Variants in NUP43 observed in about 807,000 individuals in gnomAD.
The protein encoded by NUP43 is nucleoporin Nup43.
In NUP43, 32 loss-of-function variants were observed where a neutral mutation model predicts 47.3. The observed-to-expected ratio is 0.68, with a 90% CI of 0.51 to 0.91. The LOEUF (loss-of-function observed/expected upper bound fraction) is 0.91. Ranked by LOEUF, NUP43 falls within the 40% of genes least tolerant of loss-of-function variation. The pLI is 0.00. For missense variants in NUP43, 444 were observed against 453.9 expected, an observed-to-expected ratio of 0.98 and a Z score of 0.20; for synonymous variants, 147 against 158.4, an observed-to-expected ratio of 0.93 and a Z score of 0.54.
At chr6:149,738,143 T>A (rs2115121075) in intron 5 of NUP43, among the ~76,000 whole-genome samples, 1 of 152,344 alleles carries the variant, frequency 6.6e-6, no homozygotes, top group South Asian at 2.1e-4. Context: ...GATGTACAAA[T>A]CACATTTCCA....
chr6:149,743,242 A>C (rs1785763395), intron 3 of NUP43, among the ~76,000 whole-genome samples: 1 of 151,898 alleles, frequency 6.6e-6, no homozygotes, highest in South Asian at 2.1e-4. Context: ...AGCTTTTTCT[A>C]AATGACTCAA....
chr6:149,748,238 G>A (rs1257019887), upstream of NUP43, among the ~76,000 whole-genome samples: 4 of 152,056 alleles, frequency 2.6e-5, no homozygotes, highest in Non-Finnish European at 4.4e-5. Context: ...GCTTGAACCG[G>A]GACCTGGGAG....
rs1785371476 is a variant in NUP43, at chr6:149,736,548, T to C, written c.713A>G (p.Gln238Arg). 2.5e-6 allele frequency: 4 copies of C among 1,612,218 alleles called. No homozygotes were observed. The African/African-American group carries it at 4.0e-5, about 16-fold the overall frequency. ...ATCCCAAATACTCAACATTCCATCT[T>C]GGCCACCAGTAGCTACAACATGCTG... ...NQQHVVATGG[Q>R]DGMLSIWDVR... Residue 238 changes from glutamine to arginine, a missense_variant, in exon 6 of 8, where the codon CAA (glutamine) becomes CGA (arginine). Gln to Arg is a conservative substitution (Grantham distance 43). Transcript: ENST00000340413.
At position 149,726,969 on chromosome 6, in the gene NUP43, C is replaced by A; in HGVS notation, c.1143G>T (p.Ter381TyrextTer14). The change falls in exon 8 of 8, where the codon TAG (stop) becomes TAT (tyrosine). Residue 381 changes from the stop codon to tyrosine (Y), a stop_lost. Coordinates refer to ENST00000340413, the MANE Select transcript of NUP43 (RefSeq NM_198887.3). Reference protein sequence around the residue: ...AIYVTRHLFS* With the variant: ...AIYVTRHLFSY ...CTGAAATCTTATAATTATAGTACTTCTACGAAAAAAGATGTCTAGTAACAT... is the reference window on the plus strand; with the variant it reads ...CTGAAATCTTATAATTATAGTACTTATACGAAAAAAGATGTCTAGTAACAT... The A allele has an allele frequency of 6.2e-7, 1 of 1,609,486 alleles. No individual in the cohort carries two copies. The highest frequency in any genetic ancestry group is 8.5e-7 in the Non-Finnish European group (1 of 1,176,008).
Position 149,731,648 on chromosome 6 carries a change from G to C in NUP43, c.878C>G (p.Thr293Arg). ...GAGTGACGACTTTTCAGGTACATCT[G>C]TGGAAGCATCCCAGTGCCAGAGGGA... Reference protein sequence around the residue: ...DGSLWHWDASTDVPEKSSLFH... With the variant: ...DGSLWHWDASRDVPEKSSLFH... The change falls in exon 7 of 8, where the codon ACA (threonine) becomes AGA (arginine). Residue 293 changes from threonine (T) to arginine (R), a missense_variant. By Grantham distance (71) the Thr-to-Arg change is moderately conservative. Coordinates refer to ENST00000340413, the MANE Select transcript of NUP43 (RefSeq NM_198887.3). 6.2e-7 allele frequency: 1 copy of C among 1,613,616 alleles called. No individual in the cohort carries two copies. The highest frequency in any genetic ancestry group is 8.5e-7 in the Non-Finnish European group (1 of 1,179,802).
In NUP43 at chr6:149,736,984, G is replaced by GT. The variant is rs960819315; in HGVS notation, c.639-363dup. 1.6e-3 allele frequency among the ~76,000 whole-genome samples: 247 copies of GT among 149,872 alleles called. 1 individual carries two copies. Among genetic ancestry groups the GT allele is most frequent in the African/African-American group, 4.9e-3 (201 of 40,900 alleles). On this transcript the variant is annotated intron_variant, in intron 5 of 7. Transcript: ENST00000340413. ...GATGACTGGTAACCGTGCCCAGCCTGTTTTTTTTTGTTTATTTTTTAAGAG... is the reference window on the plus strand; with the variant it reads ...GATGACTGGTAACCGTGCCCAGCCTGTTTTTTTTTTGTTTATTTTTTAAGAG...
intron 3 of NUP43, among the ~76,000 whole-genome samples, chr6:149,742,992 A>G (rs988504298): frequency 2.0e-5 from 3 of 152,030 alleles, no homozygotes; most frequent in African/African-American, 7.3e-5. Context: ...CCTGGCCAAT[A>G]TGGCAAAATC....
chr6:149,743,046 C>T (rs145225239), intron 3 of NUP43, among the ~76,000 whole-genome samples: 3,039 of 151,934 alleles, frequency 0.02, 128 homozygotes, highest in African/African-American at 0.069. Flanking sequence ...TGTGGTGGCA[C>T]GCGCCTGTAA....
intron 6 of NUP43, 39 bp from the exon 7 acceptor site, chr6:149,731,774 T>C: frequency 1.2e-6 from 2 of 1,605,052 alleles, no homozygotes; most frequent in Non-Finnish European, 1.7e-6. Flanking sequence ...CCTGTGCAGA[T>C]TCGCTGAACA....
chr6:149,730,930 G>A (rs1785003914), intron 7 of NUP43, among the ~76,000 whole-genome samples: 1 of 144,904 alleles, frequency 6.9e-6, no homozygotes, highest in African/African-American at 2.5e-5. Context: ...AGAGTGAGAC[G>A]CTGTCTCAAA....
Position 149,743,183 on chromosome 6 carries a change from A to T in NUP43, c.321+455T>A, listed in dbSNP as rs575326180. Among the ~76,000 whole-genome samples, 547 of 151,548 alleles carry T rather than the reference A, an allele frequency of 3.6e-3. 2 individuals carry two copies. The highest frequency in any genetic ancestry group is 5.8e-3 in the South Asian group (28 of 4,826). On this transcript the variant is annotated intron_variant, in intron 3 of 7. Transcript: ENST00000340413. ...AGAGAGAGACTCTGTCTCAAAAAAAAAAATAAATAAATAAAATAAAATAAA... is the reference window on the plus strand; with the variant it reads ...AGAGAGAGACTCTGTCTCAAAAAAATAAATAAATAAATAAAATAAAATAAA...
intron 4 of NUP43, among the ~76,000 whole-genome samples, chr6:149,739,313 A>C (rs1341411221): frequency 1.3e-5 from 2 of 150,900 alleles, no homozygotes. Flanking sequence ...TTTGAGATGG[A>C]TCTCGCTCTG....
chr6:149,746,311 G>A (rs1785997124), intron 1 of NUP43, 65 bp downstream of exon 1: 1 of 1,588,802 alleles, frequency 6.3e-7, no homozygotes, highest in East Asian at 2.2e-5. Flanking sequence ...GCGCGCGGAA[G>A]GCCAGGGGTC....
rs551843214 is a variant in NUP43 at position 149,746,017 on chromosome 6, C to T, written c.166G>A (p.Asp56Asn). The change falls in exon 2 of 8, where the codon GAC becomes AAC. Residue 56 changes from aspartate (D) to asparagine (N), a missense_variant. Transcript: ENST00000340413. ...TCTCCTTCAAACCCTCCATCAGAGT[C>T]CAAGTTTCCAAAATCTCCAATAGAC... ...LWSIGDFGNL[D>N]SDGGFEGDHQ... is the part of the protein sequence containing the mutation. The T allele has an allele frequency of 1.2e-5, 20 of 1,613,720 alleles. No individual in the cohort carries two copies. The highest frequency in any genetic ancestry group is 9.3e-5 in the African/African-American group (7 of 75,030).
At chr6:149,730,685 C>T (rs1784989149) in intron 7 of NUP43, among the ~76,000 whole-genome samples, 1 of 152,028 alleles carries the variant, frequency 6.6e-6, no homozygotes, top group South Asian at 2.1e-4. Flanking sequence ...AATTGCAATA[C>T]CTCGGGAGGC....
At chr6:149,735,598 C>CAAAAAAAAAAA (rs57726234) in intron 6 of NUP43, among the ~76,000 whole-genome samples, 1 of 51,310 alleles carries the variant, frequency 1.9e-5, no homozygotes, top group South Asian at 8.8e-4. Flanking sequence ...ACCCTGTCTC[C>CAAAAAAAAAAA]AAAAAAAAAA....
intron 7 of NUP43, chr6:149,728,067 GACA>G: frequency 1.0e-6 from 1 of 985,380 alleles, no homozygotes; most frequent in South Asian, 4.7e-5. Flanking sequence ...AAACTTTGAA[GACA>G]ACCTCTACTT....
At chr6:149,746,596 C>T (rs78647624), upstream of NUP43, 75 of 1,609,848 alleles carry the variant, frequency 4.7e-5, no homozygotes, top group East Asian at 1.6e-3. Flanking sequence ...GACTTTAGGA[C>T]GGAGACGGTG....
intron 6 of NUP43, among the ~76,000 whole-genome samples, chr6:149,736,149 T>C (rs920698925): frequency 2.0e-5 from 3 of 151,182 alleles, no homozygotes; most frequent in African/African-American, 7.3e-5. Flanking sequence ...TGGTGGTGCA[T>C]GCCTGTAATC....
Sources: gnomAD v4.1 joint callset for allele counts (sites outside exome capture counted in the v4.1 genomes callset) on GRCh38, gnomAD v4.1.1 for gene constraint, MANE v1.5 for transcripts, NCBI Gene and HGNC (gene_info 2026-07-23, HGNC 2026-07-21) for gene names.